The following OR4K1 variants were observed in gnomAD, a reference collection of about 807,000 sequenced individuals.
OR4K1 encodes olfactory receptor family 4 subfamily K member 1.
OR4K1 carries 16 observed loss-of-function variants against 14.4 expected under a neutral mutation model. The observed-to-expected ratio is 1.11, with a 90% CI of 0.75 to 1.68. The LOEUF (loss-of-function observed/expected upper bound fraction) is 1.68. Ranked by LOEUF, OR4K1 falls within the 40% of genes most tolerant of loss-of-function variation. The pLI is 0.00. For synonymous variants in OR4K1, 181 were observed against 133.1 expected (o/e 1.36, Z -2.48); for missense variants, 548 against 376.9 (o/e 1.45, Z -3.76).
At chr14:19,924,823 G>T in the OR4K1 span, among the ~76,000 whole-genome samples, 5 of 152,208 alleles carry the variant, frequency 3.3e-5, no homozygotes. Context: ...CATTCCTAAT[G>T]CTAAGAGCAA....
In OR4K1 at chr14:19,931,051, A is replaced by T. The variant is rs1382463135; in HGVS notation, c.-114A>T. 1 of 152,286 alleles carries T rather than the reference A, an allele frequency of 6.6e-6. No individual in the cohort carries two copies. The highest frequency in any genetic ancestry group is 1.5e-5 in the Non-Finnish European group (1 of 68,070). The allele number at this position is 152,286 out of a possible 1,614,324, so 9.4% of individuals were successfully genotyped here. A position where few individuals can be genotyped will look rare whatever the true frequency, so the allele number is the denominator to read the frequency against. Reference sequence around the variant, plus strand: ...TATTACAAATATTTTCAGTATGAAGACTCATAGCAGAAAGTGGGAAATGGA... The same window carrying T: ...TATTACAAATATTTTCAGTATGAAGTCTCATAGCAGAAAGTGGGAAATGGA... On this transcript the variant is annotated 5_prime_UTR_variant, in exon 1 of 2. Transcript: ENST00000641172.
chr14:19,928,524 T>A (rs566865415), upstream of OR4K1, among the ~76,000 whole-genome samples: 80 of 152,302 alleles, frequency 5.3e-4, no homozygotes, highest in African/African-American at 1.3e-3. Context: ...AGCTTTTTTT[T>A]AAAATTCCTA....
the OR4K1 span, among the ~76,000 whole-genome samples, chr14:19,923,576 A>G: frequency 1.3e-5 from 2 of 148,762 alleles, no homozygotes; most frequent in Admixed American, 6.6e-5. Context: ...ATGTTGAAAA[A>G]GAAAAAATAT....
Position 19,934,861 on chromosome 14 carries a change from C to T in OR4K1, c.-19-787C>T, listed in dbSNP as rs565164693. ...AATTTTTTTGTATTTTTAGTAGAGA[C>T]GGGGTTTCACCATGTTGGTCAGGCT... On this transcript the variant is annotated intron_variant, in intron 1 of 1. Coordinates refer to ENST00000641172, the MANE Select transcript of OR4K1 (RefSeq NM_001004063.3). Among the ~76,000 whole-genome samples, 279 of 152,178 alleles carry T rather than the reference C, an allele frequency of 1.8e-3. 1 individual carries two copies. Among genetic ancestry groups the T allele is most frequent in the African/African-American group, 5.8e-3 (240 of 41,528 alleles).
Position 19,936,606 on chromosome 14 carries a change from T to C in OR4K1, c.*4T>C. ...TGTGAACTCCTGGAAAAACTAGGGA[T>C]CATTACGAAGGAGCATAATCCTGAA... On this transcript the variant is annotated 3_prime_UTR_variant, in exon 2 of 2. Transcript: ENST00000641172. 1 of 1,592,744 alleles carries C rather than the reference T, an allele frequency of 6.3e-7. No individual in the cohort carries two copies. Among genetic ancestry groups the C allele is most frequent in the African/African-American group, 1.3e-5 (1 of 74,108 alleles).
At chr14:19,922,747 C>A in the OR4K1 span, among the ~76,000 whole-genome samples, 1 of 152,072 alleles carries the variant, frequency 6.6e-6, no homozygotes, top group African/African-American at 2.4e-5. Context: ...GGACATAGAC[C>A]TCTTCCGTCA....
intron 1 of OR4K1, among the ~76,000 whole-genome samples, chr14:19,931,691 C>T (rs1180496440): frequency 6.6e-6 from 1 of 152,230 alleles, no homozygotes; most frequent in African/African-American, 2.4e-5. Context: ...CAACAGCAAC[C>T]CTTTCATATC....
At chr14:19,931,661 T>C (rs1882187188) in intron 1 of OR4K1, among the ~76,000 whole-genome samples, 1 of 152,230 alleles carries the variant, frequency 6.6e-6, no homozygotes, top group Non-Finnish European at 1.5e-5. Context: ...CATTGACACA[T>C]TGTATAGTAG....
chr14:19,921,896 C>T, the OR4K1 span, among the ~76,000 whole-genome samples: 4 of 152,226 alleles, frequency 2.6e-5, no homozygotes, highest in South Asian at 4.1e-4. Flanking sequence ...GGTGGGCATA[C>T]ATTCAAACAT....
chr14:19,936,648 C>A lies in OR4K1; in HGVS notation c.*46C>A, dbSNP rs1235723597. On this transcript the variant is annotated 3_prime_UTR_variant, in exon 2 of 2. Coordinates refer to ENST00000641172, the MANE Select transcript of OR4K1 (RefSeq NM_001004063.3). ...AATCCTGAATTAGAATGAAGACCCTCCAGTGTATCATAGTGTCATGCCAAC... is the reference window on the plus strand; with the variant it reads ...AATCCTGAATTAGAATGAAGACCCTACAGTGTATCATAGTGTCATGCCAAC... 6.6e-7 allele frequency: 1 copy of A among 1,504,170 alleles called. No homozygotes were observed. Among genetic ancestry groups the A allele is most frequent in the Non-Finnish European group, 9.0e-7 (1 of 1,112,576 alleles). The allele number at this position is 1,504,170 out of a possible 1,614,324, so 93.2% of individuals were successfully genotyped here. A position where few individuals can be genotyped will look rare whatever the true frequency, so the allele number is the denominator to read the frequency against.
At chr14:19,921,405 T>G in the OR4K1 span, 5 of 1,614,030 alleles carry the variant, frequency 3.1e-6, no homozygotes, top group Non-Finnish European at 4.2e-6. Flanking sequence ...CATCTCTCCT[T>G]TGGATAAATT....
At chr14:19,923,882 T>C in the OR4K1 span, among the ~76,000 whole-genome samples, 6 of 152,264 alleles carry the variant, frequency 3.9e-5, no homozygotes, top group East Asian at 1.9e-4. Context: ...GCTAATTCTT[T>C]ATATTAAGTA....
At chr14:19,925,113 C>A in the OR4K1 span, among the ~76,000 whole-genome samples, 1 of 152,094 alleles carries the variant, frequency 6.6e-6, no homozygotes, top group South Asian at 2.1e-4. Flanking sequence ...GCACTGCTGA[C>A]AAATTGACAG....
At chr14:19,931,915 G>A (rs1882193487) in intron 1 of OR4K1, among the ~76,000 whole-genome samples, 6 of 152,328 alleles carry the variant, frequency 3.9e-5, no homozygotes, top group Admixed American at 2.0e-4. Context: ...TTTTAGAGAT[G>A]AAACTAGCTT....
At position 19,931,000 on chromosome 14, in the gene OR4K1, A is replaced by C. The variant is rs1882172463; in HGVS notation, c.-165A>C. On this transcript the variant is annotated 5_prime_UTR_variant, in exon 1 of 2. Transcript: ENST00000641172. ...CCATACGGCATAGTGTAGGGAACCA[A>C]GTTAAAATGCATCAAGTTAAGATTA... The C allele has an allele frequency of 1.3e-5, 2 of 152,162 alleles. No individual in the cohort carries two copies. Among genetic ancestry groups the C allele is most frequent in the African/African-American group, 4.8e-5 (2 of 41,418 alleles). The allele number at this position is 152,162 out of a possible 1,614,324, so 9.4% of individuals were successfully genotyped here. A position where few individuals can be genotyped will look rare whatever the true frequency, so the allele number is the denominator to read the frequency against.
the OR4K1 span, chr14:19,921,468 A>C: frequency 6.2e-7 from 1 of 1,614,106 alleles, no homozygotes; most frequent in Non-Finnish European, 8.5e-7. Context: ...CATTATTTAT[A>C]CACTAAGGAA....
In OR4K1 at chr14:19,935,982, A is replaced by G. The variant is rs777297986; in HGVS notation, c.316A>G (p.Ser106Gly). ...GCMAQIFVLH[S>G]FVGSEMMLLV... ...CATGGCCCAGATATTCGTTCTTCAC[A>G]GTTTTGTTGGGAGTGAGATGATGTT... is the stretch of plus-strand genomic sequence containing the variant. The change falls in exon 2 of 2, where the codon AGT becomes GGT. Residue 106 changes from serine (S) to glycine (G), a missense_variant. By Grantham distance (56) the Ser-to-Gly change is moderately conservative. Transcript: ENST00000641172. 2.5e-6 allele frequency: 4 copies of G among 1,614,240 alleles called. No homozygotes were observed. Among genetic ancestry groups the G allele is most frequent in the Non-Finnish European group, 3.4e-6 (4 of 1,180,036 alleles).
At chr14:19,930,214 T>C (rs1566500865), upstream of OR4K1, among the ~76,000 whole-genome samples, 1 of 152,204 alleles carries the variant, frequency 6.6e-6, no homozygotes, top group Non-Finnish European at 1.5e-5. Flanking sequence ...CAAATGCTTA[T>C]ATATGTGAAT....
upstream of OR4K1, among the ~76,000 whole-genome samples, chr14:19,926,787 A>C (rs1484276549): frequency 6.6e-6 from 1 of 152,274 alleles, no homozygotes; most frequent in South Asian, 2.1e-4. Flanking sequence ...AATGAAATGG[A>C]GATATCCATG....
Sources: gnomAD v4.1 joint callset for allele counts (sites outside exome capture counted in the v4.1 genomes callset) on GRCh38, gnomAD v4.1.1 for gene constraint, MANE v1.5 for transcripts, NCBI Gene and HGNC (gene_info 2026-07-23, HGNC 2026-07-21) for gene names.